Variants in AGTPBP1 observed in about 807,000 individuals in gnomAD.
AGTPBP1 encodes the protein ATP/GTP binding carboxypeptidase 1.
A neutral mutation model predicts 143.9 loss-of-function variants in AGTPBP1; 70 were observed. That is an observed-to-expected ratio of 0.49 (90% CI 0.40 to 0.59). The LOEUF (loss-of-function observed/expected upper bound fraction) is 0.59. Ranked by LOEUF, AGTPBP1 falls within the 20% of genes least tolerant of loss-of-function variation. The pLI is 0.00. For synonymous variants in AGTPBP1, 463 were observed against 500.2 expected (o/e 0.93, Z 0.99); for missense variants, 1,229 against 1,464.5 (o/e 0.84, Z 2.62).
intron 13 of AGTPBP1, among the ~76,000 whole-genome samples, chr9:85,639,158 T>A (rs1029122778): frequency 2.0e-5 from 3 of 152,128 alleles, no homozygotes; most frequent in Non-Finnish European, 2.9e-5. Flanking sequence ...AGATTTAAAA[T>A]TTTTTATCTT....
At chr9:85,682,464 C>T (rs768339409) in intron 3 of AGTPBP1, among the ~76,000 whole-genome samples, 2 of 152,284 alleles carry the variant, frequency 1.3e-5, no homozygotes, top group Non-Finnish European at 2.9e-5. Flanking sequence ...AAGACCAGGT[C>T]ATCACTTGTG....
the AGTPBP1 span, among the ~76,000 whole-genome samples, chr9:85,771,011 TAC>T: frequency 6.6e-6 from 1 of 152,234 alleles, no homozygotes; most frequent in African/African-American, 2.4e-5. Flanking sequence ...TTGTATTTTT[TAC>T]AGATTAGTCA....
intron 1 of AGTPBP1, among the ~76,000 whole-genome samples, chr9:85,715,692 T>G (rs976824892): frequency 6.6e-6 from 1 of 152,226 alleles, no homozygotes; most frequent in Non-Finnish European, 1.5e-5. Context: ...CAGTTCACTT[T>G]TTATTACTGA....
intron 23 of AGTPBP1, among the ~76,000 whole-genome samples, chr9:85,584,476 CT>C: frequency 6.6e-6 from 1 of 152,238 alleles, no homozygotes; most frequent in Middle Eastern, 3.4e-3. Flanking sequence ...CTTTAAATGT[CT>C]GAGAACATCC....
intron 11 of AGTPBP1, among the ~76,000 whole-genome samples, chr9:85,651,670 T>G (rs1473650493): frequency 6.6e-6 from 1 of 152,210 alleles, no homozygotes. Context: ...AATATACTTC[T>G]GTACCCAAAC....
the AGTPBP1 span, among the ~76,000 whole-genome samples, chr9:85,784,431 G>A: frequency 2.6e-5 from 4 of 151,832 alleles, no homozygotes; most frequent in African/African-American, 7.3e-5. Flanking sequence ...TTTTAGAGTT[G>A]GGGTCTTGCT....
chr9:85,558,444 T>C (rs1312156259), intron 25 of AGTPBP1, among the ~76,000 whole-genome samples: 2 of 152,184 alleles, frequency 1.3e-5, no homozygotes, highest in African/African-American at 2.4e-5. Context: ...TGCCACTGAA[T>C]TGTTTGCTTT....
chr9:85,757,751 G>A, the AGTPBP1 span, among the ~76,000 whole-genome samples: 1 of 151,904 alleles, frequency 6.6e-6, no homozygotes, highest in Non-Finnish European at 1.5e-5. Flanking sequence ...ACATCAAAAA[G>A]ACTCAGAAAT....
intron 7 of AGTPBP1, 132 bp from the exon 8 acceptor site, chr9:85,669,710 A>G: frequency 1.9e-6 from 1 of 529,974 alleles, no homozygotes; most frequent in South Asian, 2.8e-5. Context: ...CTTAAAGTCC[A>G]TCTAAGCTAA....
At chr9:85,668,967 A>ATATGTGTGTGTGTGTGTG (rs1491203442) in intron 8 of AGTPBP1, among the ~76,000 whole-genome samples, 1 of 114,388 alleles carries the variant, frequency 8.7e-6, no homozygotes, top group African/African-American at 3.2e-5. Flanking sequence ...ACATACATAC[A>ATATGTGTGTGTGTGTGTG]TGTGTGTGTG....
chr9:85,804,080 CCT>C, the AGTPBP1 span, among the ~76,000 whole-genome samples: 1 of 152,236 alleles, frequency 6.6e-6, no homozygotes, highest in East Asian at 1.9e-4. Flanking sequence ...AGTTTTTCCA[CCT>C]CTGATTTCTG....
intron 6 of AGTPBP1, among the ~76,000 whole-genome samples, chr9:85,676,011 G>A (rs1038998399): frequency 9.9e-5 from 15 of 152,080 alleles, no homozygotes; most frequent in African/African-American, 3.4e-4. Context: ...GTGACACAGT[G>A]AGCCTCCGTC....
At chr9:85,555,974 C>T (rs1730360610) in intron 25 of AGTPBP1, among the ~76,000 whole-genome samples, 1 of 151,838 alleles carries the variant, frequency 6.6e-6, no homozygotes, top group South Asian at 2.1e-4. Flanking sequence ...AACCCTAGGG[C>T]TTACTTTAGT....
chr9:85,560,221 G>GA (rs751158317), intron 25 of AGTPBP1, among the ~76,000 whole-genome samples: 47 of 151,812 alleles, frequency 3.1e-4, no homozygotes, highest in African/African-American at 5.6e-4. Flanking sequence ...GAAATCAAGG[G>GA]AAAAAAAATG....
rs538359585 is a variant in AGTPBP1 at position 85,618,456 on chromosome 9, A to C, written c.2335+527T>G. Among the ~76,000 whole-genome samples, 6 of 152,246 alleles carry C rather than the reference A, an allele frequency of 3.9e-5. No homozygotes were observed. In the East Asian group the frequency reaches 1.2e-3, roughly 29 times the overall value. On this transcript the variant is annotated intron_variant, in intron 17 of 25. Coordinates refer to ENST00000357081, the MANE Select transcript of AGTPBP1 (RefSeq NM_001330701.2). ...TACAGTACCAAACAAACAAACAAAA[A>C]GACAACTATAGACCAATATCCCTCT...
At chr9:85,638,750 A>G (rs1418272859) in intron 13 of AGTPBP1, among the ~76,000 whole-genome samples, 2 of 152,068 alleles carry the variant, frequency 1.3e-5, no homozygotes, top group Non-Finnish European at 2.9e-5. Context: ...AACTCAATCT[A>G]CATGTATATA....
intron 17 of AGTPBP1, among the ~76,000 whole-genome samples, chr9:85,611,527 T>C (rs1830317656): frequency 6.8e-6 from 1 of 146,882 alleles, no homozygotes; most frequent in South Asian, 2.2e-4. Flanking sequence ...AGTAACATTG[T>C]ATTAAAATAG....
intron 3 of AGTPBP1, among the ~76,000 whole-genome samples, chr9:85,691,521 C>CA (rs1304283801): frequency 7.3e-6 from 1 of 137,422 alleles, no homozygotes; most frequent in African/African-American, 2.9e-5. Flanking sequence ...TTTCTCTTAT[C>CA]CAAAAAAAAA....
At chr9:85,683,389 G>A (rs1208471369) in intron 3 of AGTPBP1, among the ~76,000 whole-genome samples, 1 of 151,942 alleles carries the variant, frequency 6.6e-6, no homozygotes, top group African/African-American at 2.4e-5. Context: ...TAATATTAAA[G>A]CCAAATTATT....
Sources: allele counts gnomAD v4.1 joint callset (sites outside exome capture counted in the v4.1 genomes callset), GRCh38; gene constraint gnomAD v4.1.1; transcripts MANE v1.5; gene names NCBI Gene and HGNC (gene_info 2026-07-23, HGNC 2026-07-21).